Variants in MTRF1 observed in about 807,000 individuals in gnomAD.
MTRF1 encodes peptide chain release factor 1, mitochondrial.
Under a neutral mutation model 62.9 loss-of-function variants are expected in MTRF1, and 51 were observed. The observed-to-expected ratio is 0.81, with a 90% CI of 0.65 to 1.02. The LOEUF (loss-of-function observed/expected upper bound fraction) is 1.02, where lower values mean the gene tolerates loss of function less well. MTRF1 is among the 50% of genes least tolerant of loss of function. The pLI, the probability that MTRF1 is intolerant of heterozygous loss-of-function variation, is 0.00. For missense variants in MTRF1, 446 were observed against 530.0 expected (o/e 0.84, Z 1.56); for synonymous variants, 158 against 181.9 (o/e 0.87, Z 1.06).
intron 5 of MTRF1, among the ~76,000 whole-genome samples, chr13:41,250,222 G>T (rs2038891872): frequency 6.6e-6 from 1 of 151,974 alleles, no homozygotes; most frequent in African/African-American, 2.4e-5. Context: ...CATTCTCCTT[G>T]AAACTCTCTC....
intron 5 of MTRF1, among the ~76,000 whole-genome samples, chr13:41,246,571 A>G (rs2038285064): frequency 6.6e-6 from 1 of 152,194 alleles, no homozygotes; most frequent in African/African-American, 2.4e-5. Flanking sequence ...GCAATAAAAC[A>G]TATTACTGGA....
intron 6 of MTRF1, 63 bp from the exon 7 acceptor site, chr13:41,234,070 A>C (rs2036063336): frequency 8.1e-7 from 1 of 1,232,906 alleles, no homozygotes; most frequent in Non-Finnish European, 1.2e-6. Flanking sequence ...AATCGATTCC[A>C]AGATTTTTCA....
At chr13:41,237,051 G>A (rs1423286981) in intron 6 of MTRF1, among the ~76,000 whole-genome samples, 2 of 151,530 alleles carry the variant, frequency 1.3e-5, no homozygotes, top group Admixed American at 6.6e-5. Context: ...AAACCTCGTC[G>A]CTACAAAAAA....
At chr13:41,287,558 G>T in the MTRF1 span, among the ~76,000 whole-genome samples, 3 of 152,224 alleles carry the variant, frequency 2.0e-5, no homozygotes, top group Non-Finnish European at 2.9e-5. Flanking sequence ...TTTAAAGAAT[G>T]TGAGTCTCAA....
chr13:41,309,516 T>C, the MTRF1 span, among the ~76,000 whole-genome samples: 1 of 152,070 alleles, frequency 6.6e-6, no homozygotes. Flanking sequence ...GGTAGAACAA[T>C]TTATATTCTT....
the MTRF1 span, among the ~76,000 whole-genome samples, chr13:41,284,814 T>C: frequency 6.6e-6 from 1 of 152,036 alleles, no homozygotes; most frequent in Non-Finnish European, 1.5e-5. Context: ...CCACCACAAC[T>C]GGCTAACTTT....
chr13:41,234,981 T>C (rs964587590), intron 6 of MTRF1: 2 of 152,250 alleles, frequency 1.3e-5, no homozygotes, highest in Admixed American at 1.3e-4. Context: ...TGAGCCTCGT[T>C]TTCTCTTTTG....
chr13:41,304,723 G>A, the MTRF1 span, among the ~76,000 whole-genome samples: 1 of 152,154 alleles, frequency 6.6e-6, no homozygotes, highest in Non-Finnish European at 1.5e-5. Flanking sequence ...ATTGCCTGAT[G>A]TTTGCTGAGT....
At position 41,233,908 on chromosome 13, in the gene MTRF1, G is replaced by A. The variant is rs9566725; in HGVS notation, c.970C>T (p.Leu324Phe). ...HVNKTDSAVRLVHIPTGLVVE... is the reference protein window; with the variant it reads ...HVNKTDSAVRFVHIPTGLVVE... ...TGCTTACCTGTGGGGATGTGGACAAGTCTGACGGCACTATCAGTTTTATTA... is the reference window on the plus strand; with the variant it reads ...TGCTTACCTGTGGGGATGTGGACAAATCTGACGGCACTATCAGTTTTATTA... The change falls in exon 7 of 10, where the codon CTT (leucine) becomes TTT (phenylalanine). Residue 324 changes from leucine (L) to phenylalanine (F), a missense_variant. Physicochemically the swap from Leu to Phe is conservative, Grantham distance 22. Transcript: ENST00000379480. 1.2e-6 allele frequency: 2 copies of A among 1,613,738 alleles called. No individual in the cohort carries two copies. Among genetic ancestry groups the A allele is most frequent in the Non-Finnish European group, 1.7e-6 (2 of 1,179,608 alleles).
intron 8 of MTRF1, among the ~76,000 whole-genome samples, chr13:41,223,758 C>A (rs371290068): frequency 6.6e-6 from 1 of 152,152 alleles, no homozygotes; most frequent in Non-Finnish European, 1.5e-5. Context: ...AAGATGCACA[C>A]GGCGGGAGAG....
chr13:41,219,489 C>G (rs751085720), intron 9 of MTRF1, among the ~76,000 whole-genome samples: 66 of 151,566 alleles, frequency 4.4e-4, no homozygotes, highest in Non-Finnish European at 9.1e-4. Flanking sequence ...GGCTAACAGT[C>G]TAAGTAGAAC....
the MTRF1 span, among the ~76,000 whole-genome samples, chr13:41,282,880 T>TG: frequency 6.6e-6 from 1 of 152,276 alleles, no homozygotes; most frequent in Non-Finnish European, 1.5e-5. Flanking sequence ...ATTGCCCTCC[T>TG]GCCTGACTGT....
At chr13:41,219,327 A>G (rs2032703508) in intron 9 of MTRF1, among the ~76,000 whole-genome samples, 1 of 151,862 alleles carries the variant, frequency 6.6e-6, no homozygotes, top group South Asian at 2.1e-4. Flanking sequence ...TACTCAAATT[A>G]TTATAGTATT....
intron 9 of MTRF1, among the ~76,000 whole-genome samples, chr13:41,218,578 C>T (rs1299355997): frequency 6.6e-6 from 1 of 152,156 alleles, no homozygotes; most frequent in East Asian, 1.9e-4. Flanking sequence ...TGAAAAATGA[C>T]TAAATTAATG....
At chr13:41,311,962 T>C in the MTRF1 span, among the ~76,000 whole-genome samples, 1 of 152,214 alleles carries the variant, frequency 6.6e-6, no homozygotes, top group Non-Finnish European at 1.5e-5. Context: ...ATTTTGCCAG[T>C]CTCTCCTCGG....
intron 6 of MTRF1, 134 bp from the exon 7 acceptor site, chr13:41,234,141 CAAAG>C: frequency 2.8e-6 from 2 of 708,006 alleles, no homozygotes; most frequent in Non-Finnish European, 4.7e-6. Context: ...TAACTTATAC[CAAAG>C]AAAGAGCAAT....
chr13:41,245,979 T>C (rs2038191991), intron 5 of MTRF1, among the ~76,000 whole-genome samples: 1 of 152,124 alleles, frequency 6.6e-6, no homozygotes, highest in Admixed American at 6.5e-5. Flanking sequence ...CCCTAGTGGA[T>C]CTGTTTTGAG....
the MTRF1 span, chr13:41,287,976 C>T: frequency 2.5e-6 from 1 of 392,296 alleles, no homozygotes; most frequent in Non-Finnish European, 5.0e-6. Flanking sequence ...ATCAAGTTTA[C>T]TTCCCACAAG....
intron 7 of MTRF1, among the ~76,000 whole-genome samples, chr13:41,231,332 TA>T (rs762232955): frequency 6.6e-6 from 1 of 152,214 alleles, no homozygotes; most frequent in Non-Finnish European, 1.5e-5. Context: ...AGAAAGCCTA[TA>T]ATAACAAATA....
Sources: allele counts gnomAD v4.1 joint callset (sites outside exome capture counted in the v4.1 genomes callset), GRCh38; gene constraint gnomAD v4.1.1; transcripts MANE v1.5; gene names NCBI Gene and HGNC (gene_info 2026-07-23, HGNC 2026-07-21).